SMARCA2: variants seen among roughly 807,000 people sequenced by gnomAD.
SMARCA2 encodes SWI/SNF related BAF chromatin remodeling complex subunit ATPase 2, also known as SWI/SNF-related matrix-associated actin-dependent regulator of chromatin subfamily A member 2.
A neutral mutation model predicts 199.8 loss-of-function variants in SMARCA2; 61 were observed. That is an observed-to-expected ratio of 0.31 (90% CI 0.25 to 0.38). The LOEUF is 0.38. Ranked by LOEUF, SMARCA2 falls within the 10% of genes least tolerant of loss-of-function variation. The pLI is 1.00. For missense variants in SMARCA2, 1,344 were observed against 2,012.2 expected (o/e 0.67, Z 6.35); for synonymous variants, 935 against 732.0 (o/e 1.28, Z -4.48).
intron 32 of SMARCA2, among the ~76,000 whole-genome samples, chr9:2,190,093 A>G (rs1827774866): frequency 6.6e-6 from 1 of 152,324 alleles, no homozygotes; most frequent in Non-Finnish European, 1.5e-5. Flanking sequence ...AATAGCTACC[A>G]TGGAGCAGAT....
chr9:2,160,957 T>C, intron 27 of SMARCA2: 1 of 223,034 alleles, frequency 4.5e-6, no homozygotes. Context: ...GTTTCTTTTA[T>C]ACCTGGTTGT....
intron 4 of SMARCA2, chr9:2,041,218 C>G: frequency 2.5e-6 from 1 of 397,250 alleles, no homozygotes; most frequent in Non-Finnish European, 4.4e-6. Context: ...AAGAGATATC[C>G]TCATCTTATT....
At chr9:2,168,564 G>T (rs915985364) in intron 28 of SMARCA2, among the ~76,000 whole-genome samples, 1 of 152,120 alleles carries the variant, frequency 6.6e-6, no homozygotes, top group African/African-American at 2.4e-5. Flanking sequence ...TATTTGAAGT[G>T]CGTTAGGTAT....
At chr9:2,180,984 A>G (rs750303270) in intron 29 of SMARCA2, among the ~76,000 whole-genome samples, 4 of 152,182 alleles carry the variant, frequency 2.6e-5, no homozygotes, top group Non-Finnish European at 5.9e-5. Context: ...CTGGCAAGTA[A>G]TAATAAAGGT....
At chr9:2,041,513 T>A in intron 4 of SMARCA2, 1 of 398,066 alleles carries the variant, frequency 2.5e-6, no homozygotes, top group Non-Finnish European at 4.4e-6. Context: ...TCTACTCTCA[T>A]GAAATAGTCA....
intron 27 of SMARCA2, chr9:2,159,477 C>T (rs2130747356): frequency 4.6e-6 from 1 of 218,080 alleles, no homozygotes; most frequent in South Asian, 1.1e-4. Flanking sequence ...GTACAAAATA[C>T]CAAAAAAGCA....
chr9:2,107,581 G>C (rs1055904934), intron 23 of SMARCA2, among the ~76,000 whole-genome samples: 1 of 152,160 alleles, frequency 6.6e-6, no homozygotes, highest in African/African-American at 2.4e-5. Context: ...GCCTCCCAAA[G>C]TGCTGGGATT....
At chr9:2,168,137 G>T (rs1262476859) in intron 28 of SMARCA2, among the ~76,000 whole-genome samples, 3 of 151,162 alleles carry the variant, frequency 2.0e-5, no homozygotes, top group African/African-American at 7.3e-5. Context: ...TCAGCCTCCA[G>T]AGTTGCTGGG....
chr9:2,061,081 T>G (rs111912703), intron 9 of SMARCA2, 95 bp downstream of exon 9: 2 of 1,163,654 alleles, frequency 1.7e-6, no homozygotes, highest in East Asian at 5.1e-5. Context: ...CTTCTTACAC[T>G]GGTGGAAGGT....
At position 2,039,809 on chromosome 9, in the gene SMARCA2, G is replaced by GCAGCAGCAA. The variant is rs751992423; in HGVS notation, c.707_715dup (p.Gln236_Gln238dup). ...AGCAGCAGCAGCAGCAGCAGCAGCA[G>GCAGCAGCAA]CAGCAGCAACAGCAGCCGCAGCAGC... On this transcript the variant is annotated inframe_insertion, in exon 4 of 34. Transcript: ENST00000349721. The surrounding 1 kb of genome is among the most constrained non-coding windows in gnomAD (Gnocchi z 4.8). 3 of 1,605,830 alleles carry GCAGCAGCAA rather than the reference G, an allele frequency of 1.9e-6. No homozygotes were observed. The highest frequency in any genetic ancestry group is 1.7e-5 in the Admixed American group (1 of 59,322).
At position 2,052,432 on chromosome 9, in the gene SMARCA2, T is replaced by C. The variant is rs527995549; in HGVS notation, c.1047-2165T>C. Among the ~76,000 whole-genome samples the C allele has an allele frequency of 8.5e-5, 13 of 152,226 alleles. No individual in the cohort carries two copies. In the South Asian group the frequency reaches 2.3e-3, roughly 27 times the overall value. ...CGGAGGTTGCAGTGAGCAGAGATAGTGCCACTGCACTCCAGCCTGGCCGAC... is the reference window on the plus strand; with the variant it reads ...CGGAGGTTGCAGTGAGCAGAGATAGCGCCACTGCACTCCAGCCTGGCCGAC... On this transcript the variant is annotated intron_variant, in intron 5 of 33. Transcript: ENST00000349721.
chr9:2,158,699 C>G (rs1161529608), intron 27 of SMARCA2: 1 of 377,798 alleles, frequency 2.6e-6, no homozygotes, highest in Non-Finnish European at 4.7e-6. Flanking sequence ...GAGTTTGAGT[C>G]AGTTGAGCCA....
At chr9:2,096,814 A>C in intron 20 of SMARCA2, 50 bp downstream of exon 20, 31 of 1,082,444 alleles carry the variant, frequency 2.9e-5, no homozygotes, top group Non-Finnish European at 4.5e-5. Flanking sequence ...ATGTCTTCTC[A>C]TGGCTGTGAC....
chr9:2,071,446 C>T (rs780691144), intron 10 of SMARCA2, among the ~76,000 whole-genome samples: 3 of 152,200 alleles, frequency 2.0e-5, no homozygotes, highest in African/African-American at 4.8e-5. Flanking sequence ...AAAGCCCAGC[C>T]TTACCTAAGA....
chr9:2,091,426 A>G (rs948022008), intron 19 of SMARCA2, among the ~76,000 whole-genome samples: 1 of 152,178 alleles, frequency 6.6e-6, no homozygotes, highest in Non-Finnish European at 1.5e-5. Context: ...AGATTCATCC[A>G]TGTTGTTGCA....
chr9:2,066,062 C>T (rs1438270326), intron 9 of SMARCA2, among the ~76,000 whole-genome samples: 1 of 152,192 alleles, frequency 6.6e-6, no homozygotes, highest in African/African-American at 2.4e-5. Context: ...TATCTTAATG[C>T]TCAAAGGTCC....
At chr9:2,163,563 G>A (rs535270286) in intron 28 of SMARCA2, among the ~76,000 whole-genome samples, 32 of 152,280 alleles carry the variant, frequency 2.1e-4, no homozygotes, top group African/African-American at 7.0e-4. Context: ...TTATTATGCC[G>A]TATTTTCTCA....
At chr9:2,113,502 A>G (rs1823091597) in intron 24 of SMARCA2, among the ~76,000 whole-genome samples, 1 of 152,232 alleles carries the variant, frequency 6.6e-6, no homozygotes, top group South Asian at 2.1e-4. Flanking sequence ...AACATGGAGT[A>G]ATCCATCCAA....
chr9:2,147,509 C>G (rs575092552), intron 27 of SMARCA2, among the ~76,000 whole-genome samples: 9 of 152,206 alleles, frequency 5.9e-5, no homozygotes, highest in African/African-American at 1.9e-4. Context: ...CACACATAAT[C>G]TTTCTCACAG....
Sources: gnomAD v4.1 joint callset for allele counts (sites outside exome capture counted in the v4.1 genomes callset) on GRCh38, gnomAD v4.1.1 for gene constraint, Gnocchi (gnomAD v3.1) non-coding constraint, MANE v1.5 for transcripts, NCBI Gene and HGNC (gene_info 2026-07-23, HGNC 2026-07-21) for gene names.